GPC6: variants seen among roughly 807,000 people sequenced by gnomAD.
GPC6 encodes glypican 6.
Under a neutral mutation model 55.2 loss-of-function variants are expected in GPC6, and 14 were observed. The observed-to-expected ratio is 0.25, with a 90% CI of 0.17 to 0.40. GPC6 has a LOEUF of 0.40. Among genes scored for constraint, GPC6 ranks in the 10% least tolerant of loss-of-function variants. GPC6 has a pLI of 1.00. For missense variants in GPC6, 641 were observed against 708.5 expected, an observed-to-expected ratio of 0.90 and a Z score of 1.08; for synonymous variants, 278 against 259.6, an observed-to-expected ratio of 1.07 and a Z score of -0.68.
chr13:93,326,466 A>G (rs1184932850), intron 1 of GPC6, among the ~76,000 whole-genome samples: 1 of 152,136 alleles, frequency 6.6e-6, no homozygotes, highest in Non-Finnish European at 1.5e-5. Flanking sequence ...GCACACACAC[A>G]CACGTGTACG....
intron 4 of GPC6, among the ~76,000 whole-genome samples, chr13:94,243,773 T>C (rs1167055684): frequency 1.3e-5 from 2 of 152,150 alleles, no homozygotes; most frequent in Non-Finnish European, 2.9e-5. Context: ...CTATTTTTGG[T>C]TCATCATTTA....
In GPC6 at chr13:93,515,932, A is replaced by G. The variant is rs184009231; in HGVS notation, c.161-29331A>G. On this transcript the variant is annotated intron_variant, in intron 1 of 8. Coordinates refer to ENST00000377047, the MANE Select transcript of GPC6 (RefSeq NM_005708.5). ...CACGCAGAAAGCCAAGGAAAATAGT[A>G]AATATCTAGCAAAACTCACATAGTG... Among the ~76,000 whole-genome samples, 284 of 152,298 alleles carry G rather than the reference A, an allele frequency of 1.9e-3. 3 individuals carry two copies. The highest frequency in any genetic ancestry group is 6.8e-3 in the Middle Eastern group (2 of 294).
At chr13:94,107,554 T>C (rs1229915375) in intron 4 of GPC6, among the ~76,000 whole-genome samples, 1 of 149,176 alleles carries the variant, frequency 6.7e-6, no homozygotes, top group African/African-American at 2.4e-5. Flanking sequence ...TTCACCAACC[T>C]TTTTCTTTTT....
intron 1 of GPC6, among the ~76,000 whole-genome samples, chr13:93,479,135 A>G (rs1285492357): frequency 6.6e-6 from 1 of 152,200 alleles, no homozygotes; most frequent in Non-Finnish European, 1.5e-5. Context: ...ACCTGCTTGG[A>G]AGATGGGTGG....
intron 2 of GPC6, among the ~76,000 whole-genome samples, chr13:93,691,170 C>T (rs977156145): frequency 6.6e-6 from 1 of 152,076 alleles, no homozygotes; most frequent in South Asian, 2.1e-4. Context: ...AGTAATTTAC[C>T]TCTTGCAGTG....
At chr13:93,933,754 C>A (rs969263892) in intron 3 of GPC6, among the ~76,000 whole-genome samples, 9 of 152,086 alleles carry the variant, frequency 5.9e-5, no homozygotes, top group Non-Finnish European at 1.3e-4. Context: ...AAAATATAAA[C>A]TTTCTTAGTG....
In GPC6 at chr13:93,445,283, T is replaced by C. The variant is rs150810637; in HGVS notation, c.161-99980T>C. On this transcript the variant is annotated intron_variant, in intron 1 of 8. Coordinates refer to ENST00000377047, the MANE Select transcript of GPC6 (RefSeq NM_005708.5). ...GATATCATTATCTTTACAGAGTAGT[T>C]ATCTGAGTGCATGTAACCTCATTTT... is the stretch of plus-strand genomic sequence containing the variant. Among the ~76,000 whole-genome samples, 301 of 152,338 alleles carry C rather than the reference T, an allele frequency of 2.0e-3. 9 individuals carry two copies. The East Asian group carries it at 0.055, about 28-fold the overall frequency.
chr13:94,259,888 A>G (rs1198106170), intron 4 of GPC6, among the ~76,000 whole-genome samples: 1 of 152,158 alleles, frequency 6.6e-6, no homozygotes, highest in South Asian at 2.1e-4. Flanking sequence ...GTATACACAC[A>G]TGCACACACA....
chr13:93,735,016 C>T (rs1026906937), intron 2 of GPC6, among the ~76,000 whole-genome samples: 2 of 152,018 alleles, frequency 1.3e-5, no homozygotes, highest in African/African-American at 4.8e-5. Context: ...TAATATATAG[C>T]CTCTTATTGC....
At chr13:93,929,067 A>C (rs181572438) in intron 3 of GPC6, among the ~76,000 whole-genome samples, 4 of 152,296 alleles carry the variant, frequency 2.6e-5, no homozygotes, top group Non-Finnish European at 4.4e-5. Flanking sequence ...TGTCATTGAC[A>C]ATCTCATCAC....
chr13:94,317,914 G>A (rs950658936), intron 6 of GPC6, among the ~76,000 whole-genome samples: 1 of 152,112 alleles, frequency 6.6e-6, no homozygotes, highest in Admixed American at 6.5e-5. Context: ...TCCACTCTTT[G>A]TGCCCAATAA....
At chr13:93,380,891 A>G (rs538755204) in intron 1 of GPC6, among the ~76,000 whole-genome samples, 18 of 152,128 alleles carry the variant, frequency 1.2e-4, no homozygotes, top group Non-Finnish European at 2.2e-4. Flanking sequence ...CCCTGACTCT[A>G]TGCTCATTGA....
chr13:93,605,389 G>A lies in GPC6; in HGVS notation c.319+59968G>A, dbSNP rs186698277. On this transcript the variant is annotated intron_variant, in intron 2 of 8. Transcript: ENST00000377047. ...AAGTACCAACAGATGAATAGTTATT[G>A]CACAAGGAAAACTAGCTAATTCCTC... Among the ~76,000 whole-genome samples, 153 of 152,244 alleles carry A rather than the reference G, an allele frequency of 1.0e-3. 1 individual carries two copies. Among genetic ancestry groups the A allele is most frequent in the Non-Finnish European group, 1.6e-3 (109 of 68,010 alleles).
chr13:94,020,072 T>G (rs1312798430), intron 3 of GPC6, among the ~76,000 whole-genome samples: 2 of 151,858 alleles, frequency 1.3e-5, no homozygotes, highest in African/African-American at 4.8e-5. Context: ...TGGGCTTAGT[T>G]TTTTCCTTTT....
intron 4 of GPC6, among the ~76,000 whole-genome samples, chr13:94,043,806 C>T (rs753490144): frequency 2.5e-4 from 38 of 151,686 alleles, no homozygotes; most frequent in Middle Eastern, 3.2e-3. Flanking sequence ...CACAGTATTT[C>T]TGTAGAGTTT....
chr13:93,731,694 A>G (rs1030210198), intron 2 of GPC6, among the ~76,000 whole-genome samples: 2 of 152,174 alleles, frequency 1.3e-5, no homozygotes, highest in African/African-American at 4.8e-5. Flanking sequence ...ACATCTAGAT[A>G]TGAGTGGATT....
chr13:93,884,631 T>C (rs1875210583), intron 3 of GPC6, among the ~76,000 whole-genome samples: 1 of 152,248 alleles, frequency 6.6e-6, no homozygotes, highest in East Asian at 1.9e-4. Flanking sequence ...CTTAGTAACA[T>C]GCTCTCAAAA....
intron 2 of GPC6, among the ~76,000 whole-genome samples, chr13:93,629,926 T>C (rs1879361573): frequency 6.6e-6 from 1 of 152,232 alleles, no homozygotes; most frequent in African/African-American, 2.4e-5. Flanking sequence ...CTTTTAGGTA[T>C]TTTTCTTAAA....
intron 4 of GPC6, among the ~76,000 whole-genome samples, chr13:94,055,812 A>G (rs1488789666): frequency 6.6e-6 from 1 of 152,162 alleles, no homozygotes; most frequent in Non-Finnish European, 1.5e-5. Context: ...AACAAAAAGT[A>G]AAAAAATAGC....
Sources: gnomAD v4.1 joint callset for allele counts (sites outside exome capture counted in the v4.1 genomes callset) on GRCh38, gnomAD v4.1.1 for gene constraint, MANE v1.5 for transcripts, NCBI Gene and HGNC (gene_info 2026-07-23, HGNC 2026-07-21) for gene names.